Variants in ZNF799 observed in about 807,000 individuals in gnomAD.
The protein encoded by ZNF799 is zinc finger protein 14.
A neutral mutation model predicts 41.0 loss-of-function variants in ZNF799; 28 were observed. The ratio of observed to expected loss-of-function variants is 0.68; its 90% CI spans 0.51 to 0.94. ZNF799 has a LOEUF of 0.94. Ranked by LOEUF, ZNF799 falls within the 40% of genes least tolerant of loss-of-function variation. ZNF799 has a pLI of 0.00. For missense variants in ZNF799, 716 were observed against 764.3 expected (o/e 0.94, Z 0.74); for synonymous variants, 213 against 252.9 (o/e 0.84, Z 1.50).
At position 12,390,339 on chromosome 19, in the gene ZNF799, A is replaced by G; in HGVS notation, c.*127T>C. On this transcript the variant is annotated 3_prime_UTR_variant, in exon 4 of 4. Coordinates refer to ENST00000430385, the MANE Select transcript of ZNF799 (RefSeq NM_001080821.3). ...GGATGACTGTACTGGAAAGAAACTGAAATTACTTAAGGTTTTACCAAGTGC... is the reference window on the plus strand; with the variant it reads ...GGATGACTGTACTGGAAAGAAACTGGAATTACTTAAGGTTTTACCAAGTGC... 1 of 1,558,816 alleles carries G rather than the reference A, an allele frequency of 6.4e-7. No individual in the cohort carries two copies. Among genetic ancestry groups the G allele is most frequent in the Non-Finnish European group, 8.7e-7 (1 of 1,151,978 alleles).
chr19:12,393,826 C>T lies in ZNF799; in HGVS notation c.4-403G>A, dbSNP rs895387422. On this transcript the variant is annotated intron_variant, in intron 1 of 3. Coordinates refer to ENST00000430385, the MANE Select transcript of ZNF799 (RefSeq NM_001080821.3). Reference sequence around the variant, plus strand: ...ACAAATGCTTTTTCACAAAGTTGGGCTTTTCATGGTATCTAGACAGTGTAT... The same window carrying T: ...ACAAATGCTTTTTCACAAAGTTGGGTTTTTCATGGTATCTAGACAGTGTAT... 1.0e-5 allele frequency: 10 copies of T among 965,580 alleles called. No homozygotes were observed. The African/African-American group carries it at 1.4e-4, about 14-fold the overall frequency. The allele number at this position is 965,580 out of a possible 1,614,324, so 59.8% of individuals were successfully genotyped here.
At chr19:12,398,004 A>T (rs1177171487) in intron 1 of ZNF799, 1 of 152,272 alleles carries the variant, frequency 6.6e-6, no homozygotes, top group Admixed American at 6.5e-5. Flanking sequence ...TAATCCCAGC[A>T]CTTTAGGAGG....
rs995216892 is a variant in ZNF799 at position 12,400,972 on chromosome 19, G to A, written c.3+96C>T. The A allele has an allele frequency of 2.5e-6, 4 of 1,607,824 alleles. No homozygotes were observed. In the African/African-American group the frequency reaches 4.0e-5, roughly 16 times the overall value. On this transcript the variant is annotated intron_variant, in intron 1 of 3. Coordinates refer to ENST00000430385, the MANE Select transcript of ZNF799 (RefSeq NM_001080821.3). ...GGAACCCGGGTCCGTAGATCCCGGA[G>A]TAGCCCTTGGGGAGGCCCGGGTCCA...
chr19:12,402,412 A>ATTTC (rs1970002238), upstream of ZNF799, among the ~76,000 whole-genome samples: 1 of 78,822 alleles, frequency 1.3e-5, no homozygotes, highest in Non-Finnish European at 2.5e-5. Context: ...GATGCCCTTT[A>ATTTC]TTTCTTTTTT....
At chr19:12,402,971 C>T (rs1447492210), upstream of ZNF799, among the ~76,000 whole-genome samples, 1 of 152,210 alleles carries the variant, frequency 6.6e-6, no homozygotes, top group Non-Finnish European at 1.5e-5. Flanking sequence ...GAAGTATTGC[C>T]TTCTCCTCTG....
chr19:12,412,293 G>A, the ZNF799 span, among the ~76,000 whole-genome samples: 7 of 152,182 alleles, frequency 4.6e-5, no homozygotes, highest in South Asian at 2.1e-4. Context: ...CTCTTGTTCC[G>A]CACATACTGG....
At chr19:12,409,475 CAAT>C in the ZNF799 span, among the ~76,000 whole-genome samples, 1 of 152,158 alleles carries the variant, frequency 6.6e-6, no homozygotes, top group African/African-American at 2.4e-5. Flanking sequence ...TCCCCTCTAT[CAAT>C]AATTGATCAA....
chr19:12,393,910 T>C (rs114130291), intron 1 of ZNF799: 5,493 of 230,114 alleles, frequency 0.024, 321 homozygotes, highest in African/African-American at 0.12. Context: ...CTAAATTGTT[T>C]ACGCAAAAAA....
Position 12,401,066 on chromosome 19 carries a change from A to C in ZNF799, c.3+2T>G, listed in dbSNP as rs1384253528. 3 of 1,613,786 alleles carry C rather than the reference A, an allele frequency of 1.9e-6. No individual in the cohort carries two copies. Among genetic ancestry groups the C allele is most frequent in the African/African-American group, 1.3e-5 (1 of 74,924 alleles). ...CTCGGGACGCCGGCCCAGCACACGC[A>C]CCATTTCCCGACTTCCGCGGTGTCC... On this transcript the variant is annotated splice_donor_variant, in intron 1 of 3. Coordinates refer to ENST00000430385, the MANE Select transcript of ZNF799 (RefSeq NM_001080821.3). LOFTEE classifies it high-confidence loss of function.
At chr19:12,413,666 T>TA in the ZNF799 span, among the ~76,000 whole-genome samples, 2 of 152,222 alleles carry the variant, frequency 1.3e-5, no homozygotes, top group Admixed American at 6.5e-5. Context: ...TTAGAAAACT[T>TA]AAATTCATCC....
At chr19:12,402,287 AATTT>A (rs1439404898), upstream of ZNF799, among the ~76,000 whole-genome samples, 6 of 152,288 alleles carry the variant, frequency 3.9e-5, no homozygotes, top group South Asian at 1.2e-3. Context: ...AACTTTACTG[AATTT>A]ATTTCTCAGT....
chr19:12,402,416 C>CTTTTTTTTTTTTT (rs745521629), upstream of ZNF799, among the ~76,000 whole-genome samples: 4 of 125,046 alleles, frequency 3.2e-5, no homozygotes, highest in Non-Finnish European at 3.2e-5. Context: ...CCCTTTATTT[C>CTTTTTTTTTTTTT]TTTTTTTTTT....
the ZNF799 span, among the ~76,000 whole-genome samples, chr19:12,411,755 G>T: frequency 1.3e-5 from 2 of 152,030 alleles, no homozygotes; most frequent in African/African-American, 4.8e-5. Flanking sequence ...TGGGACTACA[G>T]ATGCGCACCA....
chr19:12,396,133 C>A (rs1469578228), intron 1 of ZNF799, among the ~76,000 whole-genome samples: 1 of 152,098 alleles, frequency 6.6e-6, no homozygotes, highest in African/African-American at 2.4e-5. Context: ...TACTTTTCAA[C>A]ACAAAATTAT....
rs561260513 is a variant in ZNF799 at position 12,391,823 on chromosome 19, C to T, written c.575G>A (p.Arg192His). ...GNLQRHMAVQ[R>H]GDGPYKCKLC... ...CTTACATTTATAAGGTCCATCTCCA[C>T]GCTGCACTGCCATGTGTCTTTGAAG... is the stretch of plus-strand genomic sequence containing the variant. The change falls in exon 4 of 4, where the codon CGT (arginine) becomes CAT (histidine). Residue 192 changes from arginine to histidine, a missense_variant. Physicochemically the swap from Arg to His is conservative, Grantham distance 29. This residue lies in a region of ZNF799 where 698 missense variants were observed against 713.6 expected (regional missense o/e 0.98). Coordinates refer to ENST00000430385, the MANE Select transcript of ZNF799 (RefSeq NM_001080821.3). 29 of 1,614,160 alleles carry T rather than the reference C, an allele frequency of 1.8e-5. No individual in the cohort carries two copies. Among genetic ancestry groups the T allele is most frequent in the South Asian group, 1.3e-4 (12 of 91,070 alleles).
At chr19:12,398,672 T>C (rs189067553) in intron 1 of ZNF799, among the ~76,000 whole-genome samples, 1 of 152,368 alleles carries the variant, frequency 6.6e-6, no homozygotes, top group African/African-American at 2.4e-5. Flanking sequence ...TTCTCCATTG[T>C]CCCAAAATCT....
intron 1 of ZNF799, chr19:12,393,827 T>G (rs1176636261): frequency 2.1e-6 from 2 of 959,030 alleles, no homozygotes; most frequent in Non-Finnish European, 2.6e-6. Context: ...AAAGTTGGGC[T>G]TTTCATGGTA....
the ZNF799 span, among the ~76,000 whole-genome samples, chr19:12,408,338 G>C: frequency 3.3e-5 from 5 of 152,092 alleles, no homozygotes; most frequent in East Asian, 9.7e-4. Flanking sequence ...GGAAGGAAAG[G>C]AGGCAGAAAA....
chr19:12,406,516 C>T, the ZNF799 span, among the ~76,000 whole-genome samples: 8 of 151,342 alleles, frequency 5.3e-5, no homozygotes, highest in South Asian at 4.2e-4. Context: ...TTAAAATAAC[C>T]GTCTCAAATA....
Sources: allele counts gnomAD v4.1 joint callset (sites outside exome capture counted in the v4.1 genomes callset), GRCh38; gene constraint gnomAD v4.1.1; regional missense constraint gnomAD v4.1.1; transcripts MANE v1.5; gene names NCBI Gene and HGNC (gene_info 2026-07-23, HGNC 2026-07-21).